The following PEX7 variants were observed in gnomAD, a reference collection of about 807,000 sequenced individuals.
The protein encoded by PEX7 is PTS2 receptor.
In PEX7, 34 loss-of-function variants were observed where a neutral mutation model predicts 47.5. The observed-to-expected ratio is 0.72, with a 90% CI of 0.54 to 0.95. The LOEUF (loss-of-function observed/expected upper bound fraction) is 0.95, where lower values mean the gene tolerates loss of function less well. PEX7 is among the 40% of genes least tolerant of loss of function. The probability of loss-of-function intolerance (pLI) is 0.00; values close to 1 mark genes in which losing one functional copy is unlikely to be tolerated. For missense variants in PEX7, 394 were observed against 400.3 expected, an observed-to-expected ratio of 0.98 and a Z score of 0.13; for synonymous variants, 141 against 148.8, an observed-to-expected ratio of 0.95 and a Z score of 0.38.
intron 9 of PEX7, among the ~76,000 whole-genome samples, chr6:136,910,512 C>T (rs1775916485): frequency 6.6e-6 from 1 of 152,004 alleles, no homozygotes; most frequent in Admixed American, 6.6e-5. Context: ...GAGGTGTGAG[C>T]CCGGTGCAAT....
At chr6:136,907,205 C>T (rs553136064) in intron 9 of PEX7, among the ~76,000 whole-genome samples, 6 of 152,146 alleles carry the variant, frequency 3.9e-5, no homozygotes, top group African/African-American at 1.2e-4. Flanking sequence ...CTTGAGTGCT[C>T]GGAAATACAC....
intron 5 of PEX7, among the ~76,000 whole-genome samples, chr6:136,846,775 G>A (rs2115173042): frequency 1.3e-5 from 2 of 152,258 alleles, no homozygotes; most frequent in South Asian, 4.1e-4. Context: ...CCAAGTCTTT[G>A]TTATTGTGCA....
At chr6:136,904,678 A>T (rs150853594) in intron 9 of PEX7, among the ~76,000 whole-genome samples, 4,360 of 148,316 alleles carry the variant, frequency 0.029, 107 homozygotes, top group Middle Eastern at 0.062. Flanking sequence ...AAGATGTGAC[A>T]TGCTCCTCCT....
rs146993223 is a variant in PEX7 at position 136,870,333 on chromosome 6, C to T, written c.747+330C>T. ...TTAGTATTATGTTCTTTATAAGTTT[C>T]TAATTAGCGAGAGTCTCTACTTTGT... On this transcript the variant is annotated intron_variant, in intron 7 of 9. Transcript: ENST00000318471. Among the ~76,000 whole-genome samples the T allele has an allele frequency of 2.0e-3, 300 of 152,156 alleles. 3 individuals carry two copies. The highest frequency in any genetic ancestry group is 6.5e-3 in the African/African-American group (269 of 41,500).
chr6:136,900,702 C>A lies in PEX7; in HGVS notation c.903+2461C>A. On this transcript the variant is annotated intron_variant, in intron 9 of 9. Coordinates refer to ENST00000318471, the MANE Select transcript of PEX7 (RefSeq NM_000288.4). The surrounding 1 kb of genome is among the most constrained non-coding windows in gnomAD (Gnocchi z 4.2). ...TGATGGGATCCACGTCATGTGCAGT[C>A]ACCGCCAGCTGAGCCTTCTTCTTCT... 1 of 344,894 alleles carries A rather than the reference C, an allele frequency of 2.9e-6. No homozygotes were observed. The highest frequency in any genetic ancestry group is 2.4e-5 in the South Asian group (1 of 42,490). 21.4% of individuals were successfully genotyped at this position (344,894 alleles called of 1,614,324 possible).
chr6:136,842,692 G>A (rs1044516367), intron 3 of PEX7, among the ~76,000 whole-genome samples: 1 of 152,208 alleles, frequency 6.6e-6, no homozygotes, highest in African/African-American at 2.4e-5. Context: ...ATTTTACTGT[G>A]ATGAACATAG....
intron 9 of PEX7, among the ~76,000 whole-genome samples, chr6:136,909,799 T>C (rs1161516132): frequency 1.3e-5 from 2 of 152,210 alleles, no homozygotes; most frequent in Non-Finnish European, 2.9e-5. Flanking sequence ...TGACATTTGG[T>C]AGTTATTATA....
intron 7 of PEX7, among the ~76,000 whole-genome samples, chr6:136,871,199 T>A (rs921714817): frequency 3.3e-5 from 5 of 152,196 alleles, no homozygotes; most frequent in Non-Finnish European, 7.4e-5. Context: ...CTTTGCAAAC[T>A]AAGTGCTGGT....
intron 9 of PEX7, among the ~76,000 whole-genome samples, chr6:136,899,321 C>T (rs1163560517): frequency 6.6e-6 from 1 of 151,938 alleles, no homozygotes; most frequent in Admixed American, 6.6e-5. Flanking sequence ...TGGCTCACTG[C>T]AACCTTCGCC....
chr6:136,868,085 C>A (rs114608206), intron 6 of PEX7, among the ~76,000 whole-genome samples: 1 of 152,130 alleles, frequency 6.6e-6, no homozygotes, highest in Non-Finnish European at 1.5e-5. Context: ...AATTGTGTTA[C>A]AGTAGCCTAC....
intron 3 of PEX7, among the ~76,000 whole-genome samples, chr6:136,837,308 G>T (rs907990891): frequency 7.7e-6 from 1 of 129,862 alleles, no homozygotes; most frequent in African/African-American, 3.0e-5. Context: ...CTTGCAGTGC[G>T]CCAAGATCGC....
At chr6:136,864,928 TAC>T (rs951544384) in intron 5 of PEX7, among the ~76,000 whole-genome samples, 1 of 152,206 alleles carries the variant, frequency 6.6e-6, no homozygotes, top group African/African-American at 2.4e-5. Flanking sequence ...TGCCAGAAAC[TAC>T]ATGCTTTTCA....
intron 8 of PEX7, among the ~76,000 whole-genome samples, chr6:136,877,930 C>A (rs747761745): frequency 1.6e-4 from 25 of 152,168 alleles, no homozygotes; most frequent in African/African-American, 5.8e-4. Flanking sequence ...TTCTTCCTAT[C>A]CATGAGCATG....
At chr6:136,878,589 A>G (rs151155784) in intron 8 of PEX7, among the ~76,000 whole-genome samples, 1 of 152,056 alleles carries the variant, frequency 6.6e-6, no homozygotes, top group Non-Finnish European at 1.5e-5. Context: ...TGTTTATGTG[A>G]TGGGTTATGT....
At chr6:136,899,203 C>G (rs1775709347) in intron 9 of PEX7, among the ~76,000 whole-genome samples, 1 of 150,818 alleles carries the variant, frequency 6.6e-6, no homozygotes, top group African/African-American at 2.4e-5. Flanking sequence ...ACCTCAGCCT[C>G]CTAAGTATCT....
At chr6:136,885,163 GT>G (rs1005911858) in intron 8 of PEX7, among the ~76,000 whole-genome samples, 4 of 152,126 alleles carry the variant, frequency 2.6e-5, no homozygotes, top group Non-Finnish European at 5.9e-5. Context: ...ATAATTCATA[GT>G]TTTTTTCATT....
intron 5 of PEX7, among the ~76,000 whole-genome samples, chr6:136,861,684 T>C (rs1270585612): frequency 1.3e-5 from 2 of 151,794 alleles, no homozygotes; most frequent in Non-Finnish European, 2.9e-5. Context: ...GAACTGGGAC[T>C]ATGTTAGATC....
At chr6:136,853,038 C>T (rs1253381249) in intron 5 of PEX7, among the ~76,000 whole-genome samples, 3 of 150,024 alleles carry the variant, frequency 2.0e-5, no homozygotes, top group Non-Finnish European at 4.4e-5. Flanking sequence ...TTTGACAAAC[C>T]TGAGAAAAAC....
At chr6:136,867,431 G>T (rs1378341546) in intron 6 of PEX7, among the ~76,000 whole-genome samples, 1 of 151,710 alleles carries the variant, frequency 6.6e-6, no homozygotes, top group Non-Finnish European at 1.5e-5. Flanking sequence ...CAGTGATATT[G>T]ATAATCCTGA....
Sources: gnomAD v4.1 joint callset for allele counts (sites outside exome capture counted in the v4.1 genomes callset) on GRCh38, gnomAD v4.1.1 for gene constraint, Gnocchi (gnomAD v3.1) non-coding constraint, MANE v1.5 for transcripts, NCBI Gene and HGNC (gene_info 2026-07-23, HGNC 2026-07-21) for gene names.